The following ATP6V1A variants were observed in gnomAD, a reference collection of about 807,000 sequenced individuals.
ATP6V1A encodes V-type proton ATPase catalytic subunit A.
ATP6V1A carries 18 observed loss-of-function variants against 70.1 expected under a neutral mutation model. That is an observed-to-expected ratio of 0.26 (90% CI 0.18 to 0.38). ATP6V1A has a LOEUF of 0.38. Ranked by LOEUF, ATP6V1A falls within the 10% of genes least tolerant of loss-of-function variation. The pLI is 1.00. For missense variants in ATP6V1A, 424 were observed against 772.4 expected, an observed-to-expected ratio of 0.55 and a Z score of 5.35; for synonymous variants, 232 against 253.8, an observed-to-expected ratio of 0.91 and a Z score of 0.82.
At chr3:113,768,783 A>T (rs1219566730) in intron 1 of ATP6V1A, among the ~76,000 whole-genome samples, 1 of 151,842 alleles carries the variant, frequency 6.6e-6, no homozygotes, top group African/African-American at 2.4e-5. Context: ...TTTAGTAGAG[A>T]TGGGATTTCG....
At chr3:113,789,402 G>T (rs1326338066) in intron 7 of ATP6V1A, among the ~76,000 whole-genome samples, 1 of 152,054 alleles carries the variant, frequency 6.6e-6, no homozygotes, top group Admixed American at 6.6e-5. Flanking sequence ...TGGTCTGGTG[G>T]TTTTTACTTA....
At chr3:113,778,606 C>T in intron 1 of ATP6V1A, 135 bp from the exon 2 acceptor site, 1 of 453,030 alleles carries the variant, frequency 2.2e-6, no homozygotes, top group Non-Finnish European at 3.8e-6. Context: ...TTTTTTTATT[C>T]TACTTTGAAG....
chr3:113,772,043 A>G (rs908892333), intron 1 of ATP6V1A, among the ~76,000 whole-genome samples: 1 of 152,222 alleles, frequency 6.6e-6, no homozygotes, highest in Admixed American at 6.5e-5. Flanking sequence ...GGGCAGAGGA[A>G]GAAGTTGAAA....
rs1559759129 is a variant in ATP6V1A at position 113,795,205 on chromosome 3, G to A, written c.1226+1G>A. ...AAGGGAGTGTCAGCATTGTAGGAGC[G>A]TAAGCACCCACACTATTTACTTTGC... is the stretch of plus-strand genomic sequence containing the variant. On this transcript the variant is annotated splice_donor_variant, in intron 10 of 14. Coordinates refer to ENST00000273398, the MANE Select transcript of ATP6V1A (RefSeq NM_001690.4). LOFTEE classifies it high-confidence loss of function. The A allele has an allele frequency of 3.1e-6, 5 of 1,613,410 alleles. No individual in the cohort carries two copies. The highest frequency in any genetic ancestry group is 1.1e-5 in the South Asian group (1 of 91,034).
intron 1 of ATP6V1A, among the ~76,000 whole-genome samples, 173 bp from the exon 2 acceptor site, chr3:113,778,568 A>C (rs967836007): frequency 2.6e-5 from 4 of 152,160 alleles, no homozygotes; most frequent in African/African-American, 9.7e-5. Flanking sequence ...GAGCCTCTTA[A>C]AAATTTTTTT....
intron 1 of ATP6V1A, among the ~76,000 whole-genome samples, chr3:113,754,810 T>C (rs1245794306): frequency 3.9e-5 from 6 of 152,206 alleles, no homozygotes; most frequent in African/African-American, 1.4e-4. Context: ...CAAGAACTTC[T>C]TTAAAGAAGC....
At chr3:113,750,801 A>G (rs1708577542) in intron 1 of ATP6V1A, among the ~76,000 whole-genome samples, 1 of 152,204 alleles carries the variant, frequency 6.6e-6, no homozygotes, top group Admixed American at 6.5e-5. Context: ...ACTTAAGACA[A>G]CCCACAGAAT....
At chr3:113,772,966 C>T (rs1354508710) in intron 1 of ATP6V1A, among the ~76,000 whole-genome samples, 1 of 99,800 alleles carries the variant, frequency 1.0e-5, no homozygotes, top group East Asian at 3.6e-4. Flanking sequence ...GAGATGGAGT[C>T]TCACTCTGTC....
chr3:113,749,409 A>G (rs1354761165), intron 1 of ATP6V1A, among the ~76,000 whole-genome samples: 1 of 152,148 alleles, frequency 6.6e-6, no homozygotes, highest in Non-Finnish European at 1.5e-5. Flanking sequence ...ATAGTCCACT[A>G]TTAAATAAAG....
At chr3:113,804,851 G>A (rs962106149) in intron 13 of ATP6V1A, among the ~76,000 whole-genome samples, 4 of 152,146 alleles carry the variant, frequency 2.6e-5, no homozygotes, top group Non-Finnish European at 4.4e-5. Context: ...AAAAGTATGG[G>A]CAAATGAAAA....
Position 113,784,749 on chromosome 3 carries a change from G to A in ATP6V1A, c.480G>A (p.Ser160=), listed in dbSNP as rs766110305. Residue 160 remains serine (S), a synonymous_variant, in exon 5 of 15, where the codon TCG becomes TCA. Coordinates refer to ENST00000273398, the MANE Select transcript of ATP6V1A (RefSeq NM_001690.4). ...GDIYGIVSEN[S]LIKHKIMLPP... The stretch of plus-strand genomic sequence containing the variant: ...TTTATGGAATTGTCAGTGAGAACTC[G>A]CTTATCAAACACAAAATCATGTTAC... The A allele has an allele frequency of 3.1e-6, 5 of 1,613,980 alleles. No homozygotes were observed. Among genetic ancestry groups the A allele is most frequent in the South Asian group, 1.1e-5 (1 of 91,082 alleles).
At chr3:113,789,690 C>T (rs975148228) in intron 7 of ATP6V1A, 42 bp from the exon 8 acceptor site, 5 of 1,440,366 alleles carry the variant, frequency 3.5e-6, no homozygotes, top group Non-Finnish European at 4.8e-6. Flanking sequence ...TAAAATGTTA[C>T]CTTAGAAATT....
chr3:113,794,286 GTA>G (rs1004280183), intron 8 of ATP6V1A, among the ~76,000 whole-genome samples: 1 of 152,164 alleles, frequency 6.6e-6, no homozygotes, highest in African/African-American at 2.4e-5. Context: ...TTGTGTGTGT[GTA>G]TGTGATATAT....
chr3:113,806,561 C>T lies in ATP6V1A; in HGVS notation c.1761+1036C>T, dbSNP rs139832516. ...GCAACCTCCACCTCCTGGGTTCAAGCGATTCTCCTGCCTCAGCCTCCCAAG... is the reference window on the plus strand; with the variant it reads ...GCAACCTCCACCTCCTGGGTTCAAGTGATTCTCCTGCCTCAGCCTCCCAAG... On this transcript the variant is annotated intron_variant, in intron 14 of 14. Transcript: ENST00000273398. 6.8e-3 allele frequency among the ~76,000 whole-genome samples: 1,029 copies of T among 152,052 alleles called. 4 individuals carry two copies. The highest frequency in any genetic ancestry group is 0.012 in the Non-Finnish European group (832 of 67,980).
chr3:113,755,288 T>C (rs1192139365), intron 1 of ATP6V1A, among the ~76,000 whole-genome samples: 1 of 152,004 alleles, frequency 6.6e-6, no homozygotes, highest in Non-Finnish European at 1.5e-5. Flanking sequence ...ATTGGAATAA[T>C]AACTAGCACA....
rs907790025 is a variant in ATP6V1A at position 113,811,214 on chromosome 3, A to G, written c.*1787A>G. 4.6e-5 allele frequency: 7 copies of G among 152,188 alleles called. No individual in the cohort carries two copies. The highest frequency in any genetic ancestry group is 1.7e-4 in the African/African-American group (7 of 41,460). The allele number at this position is 152,188 out of a possible 1,614,324, so 9.4% of individuals were successfully genotyped here. On this transcript the variant is annotated 3_prime_UTR_variant, in exon 15 of 15. Coordinates refer to ENST00000273398, the MANE Select transcript of ATP6V1A (RefSeq NM_001690.4). ...AAATAAAGTATTTATTTTATGCCTC[A>G]GTATATTATTATTTAATTTTTTAGG... is the stretch of plus-strand genomic sequence containing the variant.
At chr3:113,767,659 CTTTT>C (rs545483368) in intron 1 of ATP6V1A, among the ~76,000 whole-genome samples, 2 of 145,564 alleles carry the variant, frequency 1.4e-5, no homozygotes, top group African/African-American at 5.0e-5. Context: ...AAGGAATCTA[CTTTT>C]TTTTTTTAGT....
At chr3:113,782,382 T>C (rs2108028010) in intron 3 of ATP6V1A, among the ~76,000 whole-genome samples, 1 of 151,988 alleles carries the variant, frequency 6.6e-6, no homozygotes, top group Middle Eastern at 3.4e-3. Context: ...GCCTTTGTTG[T>C]CTTGTATCTA....
chr3:113,778,571 A>T (rs1322758477), intron 1 of ATP6V1A, among the ~76,000 whole-genome samples, 170 bp from the exon 2 acceptor site: 4 of 152,136 alleles, frequency 2.6e-5, no homozygotes, highest in Non-Finnish European at 4.4e-5. Flanking sequence ...CCTCTTAAAA[A>T]TTTTTTTTAA....
Sources: allele counts gnomAD v4.1 joint callset (sites outside exome capture counted in the v4.1 genomes callset), GRCh38; gene constraint gnomAD v4.1.1; transcripts MANE v1.5; gene names NCBI Gene and HGNC (gene_info 2026-07-23, HGNC 2026-07-21).